DENND4A: variants seen among roughly 807,000 people sequenced by gnomAD.
DENND4A encodes the protein C-myc promoter-binding protein.
A neutral mutation model predicts 199.3 loss-of-function variants in DENND4A; 70 were observed. The ratio of observed to expected loss-of-function variants is 0.35; its 90% CI spans 0.29 to 0.43. The LOEUF (loss-of-function observed/expected upper bound fraction) is 0.43. DENND4A is among the 20% of genes least tolerant of loss of function. DENND4A has a pLI of 1.00. For synonymous variants in DENND4A, 686 were observed against 766.9 expected (o/e 0.89, Z 1.74); for missense variants, 1,723 against 2,255.8 (o/e 0.76, Z 4.78).
intron 23 of DENND4A, among the ~76,000 whole-genome samples, chr15:65,679,206 A>G (rs2076486971): frequency 6.6e-6 from 1 of 151,726 alleles, no homozygotes; most frequent in Non-Finnish European, 1.5e-5. Context: ...GGTTCAAGTG[A>G]TTCTCCTGCC....
Position 65,690,309 on chromosome 15 carries a change from T to C in DENND4A, c.4179+106A>G, listed in dbSNP as rs984171461. The C allele has an allele frequency of 5.6e-6, 7 of 1,247,800 alleles. No homozygotes were observed. In the African/African-American group the frequency reaches 9.0e-5, roughly 16 times the overall value. The allele number at this position is 1,247,800 out of a possible 1,614,324, so 77.3% of individuals were successfully genotyped here. A position where few individuals can be genotyped will look rare whatever the true frequency, so the allele number is the denominator to read the frequency against. On this transcript the variant is annotated intron_variant, in intron 23 of 32. Coordinates refer to ENST00000443035, the MANE Select transcript of DENND4A (RefSeq NM_001320835.1). ...AAACTTACATACCCAATGAGTCCTT[T>C]TTATAAAGCTATGTTTAGAAGAATA... is the stretch of plus-strand genomic sequence containing the variant.
At chr15:65,786,439 G>T (rs765288328) in intron 1 of DENND4A, among the ~76,000 whole-genome samples, 1 of 151,762 alleles carries the variant, frequency 6.6e-6, no homozygotes, top group Non-Finnish European at 1.5e-5. Flanking sequence ...ATATAAATTA[G>T]CTCATTTAGG....
At chr15:65,695,996 C>G (rs1279141902) in intron 22 of DENND4A, among the ~76,000 whole-genome samples, 2 of 152,028 alleles carry the variant, frequency 1.3e-5, no homozygotes, top group African/African-American at 4.8e-5. Context: ...CCTTTTGCCT[C>G]TGGAAAAACA....
chr15:65,752,312 A>T, intron 4 of DENND4A, 67 bp downstream of exon 4: 1 of 371,362 alleles, frequency 2.7e-6, no homozygotes, highest in Non-Finnish European at 4.1e-6. Context: ...AAAAAAAAAA[A>T]AGATGTATTT....
rs747722258 is a variant in DENND4A, at chr15:65,670,207, C to G, written c.4465-19G>C. The G allele has an allele frequency of 3.4e-5, 50 of 1,462,714 alleles. No individual in the cohort carries two copies. The highest frequency in any genetic ancestry group is 4.3e-5 in the Non-Finnish European group (47 of 1,101,822). 90.6% of individuals were successfully genotyped at this position (1,462,714 alleles called of 1,614,324 possible). ...TGAGAACCTGTGGGAGAAGATAGCACTTTATAAAGAAAGCTGGTTAATTCA... is the reference window on the plus strand; with the variant it reads ...TGAGAACCTGTGGGAGAAGATAGCAGTTTATAAAGAAAGCTGGTTAATTCA... On this transcript the variant is annotated intron_variant, in intron 25 of 32. Coordinates refer to ENST00000443035, the MANE Select transcript of DENND4A (RefSeq NM_001320835.1).
At chr15:65,740,637 A>G (rs535885672) in intron 5 of DENND4A, among the ~76,000 whole-genome samples, 2 of 151,688 alleles carry the variant, frequency 1.3e-5, no homozygotes, top group African/African-American at 4.8e-5. Context: ...TTTAAAAGAA[A>G]AAAAAAAAAA....
chr15:65,750,760 A>C (rs1294922780), intron 4 of DENND4A, among the ~76,000 whole-genome samples: 1 of 152,064 alleles, frequency 6.6e-6, no homozygotes, highest in Non-Finnish European at 1.5e-5. Flanking sequence ...CAGTAATAAA[A>C]GAACAAAGAC....
rs745400936 is a variant in DENND4A at position 65,690,501 on chromosome 15, T to C, written c.4093A>G (p.Asn1365Asp). 1 of 1,613,284 alleles carries C rather than the reference T, an allele frequency of 6.2e-7. No individual in the cohort carries two copies. The highest frequency in any genetic ancestry group is 1.1e-5 in the South Asian group (1 of 90,998). ...CCTTTTCCAGCAGTGAACATACTGT[T>C]TCTTAGAACATCTAGTTTAGGTACT... ...LLVPKLDVLR[N>D]SMFTAGKGVA... The change falls in exon 23 of 33, where the codon AAC becomes GAC. Residue 1365 changes from asparagine (N) to aspartate (D), a missense_variant. By Grantham distance (23) the Asn-to-Asp change is conservative. Around this residue, in one of 6 missense-constraint regions of DENND4A, gnomAD observed 650 missense variants for 738.1 expected, o/e 0.88. Coordinates refer to ENST00000443035, the MANE Select transcript of DENND4A (RefSeq NM_001320835.1).
Position 65,729,267 on chromosome 15 carries a change from G to C in DENND4A, c.1312-20C>G, listed in dbSNP as rs763038650. On this transcript the variant is annotated intron_variant, in intron 10 of 32. Coordinates refer to ENST00000443035, the MANE Select transcript of DENND4A (RefSeq NM_001320835.1). Reference sequence around the variant, plus strand: ...AATCATCTTGGATAAACAAAAGATAGGAGAGAATTTAGCTTTTTAACACTG... The same window carrying C: ...AATCATCTTGGATAAACAAAAGATACGAGAGAATTTAGCTTTTTAACACTG... 32 of 1,558,128 alleles carry C rather than the reference G, an allele frequency of 2.1e-5. No homozygotes were observed. The African/African-American group carries it at 4.1e-4, about 20-fold the overall frequency.
At chr15:65,681,912 ATGAGCAGTAATATTT>A (rs1788530685) in intron 23 of DENND4A, among the ~76,000 whole-genome samples, 1 of 152,218 alleles carries the variant, frequency 6.6e-6, no homozygotes, top group Non-Finnish European at 1.5e-5. Flanking sequence ...TGCATTGTCA[ATGAGCAGTAATATTT>A]TGAAATAAAT....
intron 16 of DENND4A, 37 bp from the exon 17 acceptor site, chr15:65,702,548 G>T (rs1351109196): frequency 6.7e-7 from 1 of 1,486,112 alleles, no homozygotes; most frequent in Middle Eastern, 1.7e-4. Flanking sequence ...ATAAATTTAT[G>T]CACTTAGGCA....
chr15:65,694,278 GT>G (rs1199170842), intron 22 of DENND4A, among the ~76,000 whole-genome samples: 1 of 152,010 alleles, frequency 6.6e-6, no homozygotes, highest in Non-Finnish European at 1.5e-5. Context: ...GTGAAACTCC[GT>G]CTCTACTAAA....
chr15:65,696,374 T>C lies in DENND4A; in HGVS notation c.3074A>G (p.Glu1025Gly). ...SNNSAGKISG[E>G]SMESTPELLL... ...CGTACTATTCAACTTACCCATGCTT[T>C]CTCCTGATATTTTACCAGCACTGTT... The change falls in exon 22 of 33, where the codon GAA becomes GGA. Residue 1025 changes from glutamate (E) to glycine (G), a missense_variant. Coordinates refer to ENST00000443035, the MANE Select transcript of DENND4A (RefSeq NM_001320835.1). 6.2e-7 allele frequency: 1 copy of C among 1,611,974 alleles called. No individual in the cohort carries two copies. Among genetic ancestry groups the C allele is most frequent in the South Asian group, 1.1e-5 (1 of 90,984 alleles).
At chr15:65,686,625 T>C (rs1373832907) in intron 23 of DENND4A, among the ~76,000 whole-genome samples, 1 of 152,148 alleles carries the variant, frequency 6.6e-6, no homozygotes, top group Non-Finnish European at 1.5e-5. Flanking sequence ...CTAGAACTCC[T>C]GGACTCAAGC....
intron 4 of DENND4A, among the ~76,000 whole-genome samples, chr15:65,746,359 ACT>A (rs1278880171): frequency 1.9e-4 from 14 of 74,852 alleles, no homozygotes; most frequent in Non-Finnish European, 3.2e-4. Flanking sequence ...TAACAATTCT[ACT>A]TTTTTCTCTT....
At chr15:65,745,644 C>T (rs542905376) in intron 4 of DENND4A, among the ~76,000 whole-genome samples, 1 of 152,208 alleles carries the variant, frequency 6.6e-6, no homozygotes, top group South Asian at 2.1e-4. Context: ...AAAGTCCCAA[C>T]TCTACTTCCC....
At chr15:65,674,953 A>G (rs1404578788) in intron 24 of DENND4A, among the ~76,000 whole-genome samples, 1 of 152,186 alleles carries the variant, frequency 6.6e-6, no homozygotes, top group African/African-American at 2.4e-5. Flanking sequence ...ATAATTATTG[A>G]AGTTGGTGAT....
rs532173259 is a variant in DENND4A, at chr15:65,696,780, G to A, written c.2951-283C>T. The A allele has an allele frequency of 1.5e-5, 4 of 260,786 alleles. No homozygotes were observed. The East Asian group carries it at 3.6e-4, about 23-fold the overall frequency. 16.2% of individuals were successfully genotyped at this position (260,786 alleles called of 1,614,324 possible). On this transcript the variant is annotated intron_variant, in intron 21 of 32. Transcript: ENST00000443035. ...GAGTGCTTTTGGTGGAGTGGGGAAG[G>A]GGGTAAATATAATCACAATCCATTA...
At chr15:65,765,354 C>T (rs1371172342) in intron 1 of DENND4A, among the ~76,000 whole-genome samples, 1 of 152,218 alleles carries the variant, frequency 6.6e-6, no homozygotes, top group African/African-American at 2.4e-5. Context: ...TATGAATGTG[C>T]TTCCTGCAGC....
Sources: allele counts gnomAD v4.1 joint callset (sites outside exome capture counted in the v4.1 genomes callset), GRCh38; gene constraint gnomAD v4.1.1; regional missense constraint gnomAD v4.1.1; transcripts MANE v1.5; gene names NCBI Gene and HGNC (gene_info 2026-07-23, HGNC 2026-07-21).